PPP2R5E: variants seen among roughly 807,000 people sequenced by gnomAD.
The protein encoded by PPP2R5E is protein phosphatase 2 regulatory subunit B'epsilon, also known as serine/threonine-protein phosphatase 2A 56 kDa regulatory subunit epsilon isoform.
Under a neutral mutation model 65.3 loss-of-function variants are expected in PPP2R5E, and 4 were observed. The observed-to-expected ratio is 0.06, with a 90% CI of 0.03 to 0.14. The LOEUF is 0.14. Ranked by LOEUF, PPP2R5E falls within the 10% of genes least tolerant of loss-of-function variation. The probability of loss-of-function intolerance (pLI) is 1.00; values close to 1 mark genes in which losing one functional copy is unlikely to be tolerated. For synonymous variants in PPP2R5E, 183 were observed against 187.4 expected (o/e 0.98, Z 0.19); for missense variants, 274 against 556.1 (o/e 0.49, Z 5.10).
At chr14:63,482,929 A>G (rs1890787692) in intron 2 of PPP2R5E, among the ~76,000 whole-genome samples, 1 of 152,152 alleles carries the variant, frequency 6.6e-6, no homozygotes, top group African/African-American at 2.4e-5. Context: ...ACAATACCGC[A>G]GTGAACAAAA....
intron 5 of PPP2R5E, among the ~76,000 whole-genome samples, chr14:63,398,718 A>G (rs977717241): frequency 1.3e-5 from 2 of 152,160 alleles, no homozygotes; most frequent in African/African-American, 4.8e-5. Context: ...TGAACCTGGG[A>G]GGTGGAGTTT....
At chr14:63,394,494 G>T (rs1327226318) in intron 7 of PPP2R5E, among the ~76,000 whole-genome samples, 3 of 152,172 alleles carry the variant, frequency 2.0e-5, no homozygotes, top group African/African-American at 7.2e-5. Context: ...AAATTAGTCA[G>T]ATGGTTTCCA....
intron 2 of PPP2R5E, among the ~76,000 whole-genome samples, chr14:63,478,872 C>T (rs952839515): frequency 1.3e-5 from 2 of 152,158 alleles, no homozygotes; most frequent in Non-Finnish European, 2.9e-5. Flanking sequence ...CCTGTAATCC[C>T]AGCACTTTGG....
At chr14:63,506,993 G>A (rs1892215927) in intron 2 of PPP2R5E, among the ~76,000 whole-genome samples, 1 of 152,226 alleles carries the variant, frequency 6.6e-6, no homozygotes, top group Admixed American at 6.5e-5. Flanking sequence ...CGACAACATG[G>A]AGGAACCTTG....
At chr14:63,427,724 G>C (rs1318095250) in intron 3 of PPP2R5E, among the ~76,000 whole-genome samples, 1 of 152,218 alleles carries the variant, frequency 6.6e-6, no homozygotes, top group Non-Finnish European at 1.5e-5. Context: ...AGGAAAGGAT[G>C]TCAAAACCTG....
rs190278332 is a variant in PPP2R5E, at chr14:63,416,291, T to A, written c.457-1059A>T. ...GCAAGAGAACAAGACTCTGTTTCTCTAAAAAATACATATATAATCCAGAAC... is the reference window on the plus strand; with the variant it reads ...GCAAGAGAACAAGACTCTGTTTCTCAAAAAAATACATATATAATCCAGAAC... On this transcript the variant is annotated intron_variant, in intron 4 of 13. Coordinates refer to ENST00000337537, the MANE Select transcript of PPP2R5E (RefSeq NM_006246.5). Among the ~76,000 whole-genome samples, 444 of 152,322 alleles carry A rather than the reference T, an allele frequency of 2.9e-3. 1 individual carries two copies. Among genetic ancestry groups the A allele is most frequent in the African/African-American group, 0.01 (418 of 41,570 alleles).
chr14:63,392,028 G>A lies in PPP2R5E; in HGVS notation c.850-3C>T, dbSNP rs1426089284. 1 of 1,594,538 alleles carries A rather than the reference G, an allele frequency of 6.3e-7. No individual in the cohort carries two copies. On this transcript the variant is annotated splice_polypyrimidine_tract_variant and splice_region_variant and intron_variant, in intron 8 of 13. Coordinates refer to ENST00000337537, the MANE Select transcript of PPP2R5E (RefSeq NM_006246.5). ...AACTGTACTATACAATATGCCAGCT[G>A]AGTAAAAAATAAAATAAAAGGCAAA...
chr14:63,402,519 G>C lies in PPP2R5E; in HGVS notation c.550-5803C>G, dbSNP rs548971476. On this transcript the variant is annotated intron_variant, in intron 5 of 13. Coordinates refer to ENST00000337537, the MANE Select transcript of PPP2R5E (RefSeq NM_006246.5). ...AATGCTAGGAGTACCAAAAAAAATT[G>C]CAAGAAGGAAACTATTAACATCTTC... Among the ~76,000 whole-genome samples, 20 of 152,268 alleles carry C rather than the reference G, an allele frequency of 1.3e-4. No individual in the cohort carries two copies. In the South Asian group the frequency reaches 4.2e-3, roughly 32 times the overall value.
chr14:63,387,058 T>C (rs1193999805), intron 11 of PPP2R5E, among the ~76,000 whole-genome samples: 1 of 151,892 alleles, frequency 6.6e-6, no homozygotes, highest in Non-Finnish European at 1.5e-5. Context: ...GAGGACAATG[T>C]GTTTGGGAAT....
At chr14:63,387,131 GGAGT>G (rs1385251720) in intron 11 of PPP2R5E, among the ~76,000 whole-genome samples, 1 of 152,086 alleles carries the variant, frequency 6.6e-6, no homozygotes, top group African/African-American at 2.4e-5. Flanking sequence ...GAGAAAAAAA[GGAGT>G]AAGAATGAGG....
chr14:63,449,093 A>G (rs1169535752), intron 3 of PPP2R5E, among the ~76,000 whole-genome samples: 1 of 152,242 alleles, frequency 6.6e-6, no homozygotes, highest in Non-Finnish European at 1.5e-5. Context: ...ATCATTACTC[A>G]TCCTGGTTTG....
chr14:63,378,399 C>T (rs768615830), intron 13 of PPP2R5E, among the ~76,000 whole-genome samples: 1 of 152,192 alleles, frequency 6.6e-6, no homozygotes, highest in African/African-American at 2.4e-5. Flanking sequence ...CTCCCACAAG[C>T]TTAGCGTTCC....
At chr14:63,436,838 T>C (rs11846721) in intron 3 of PPP2R5E, among the ~76,000 whole-genome samples, 28,032 of 152,164 alleles carry the variant, frequency 0.18, 3,499 homozygotes, top group African/African-American at 0.35. Context: ...GATTATTTTA[T>C]TGCTGAAACA....
At chr14:63,527,325 T>C (rs758083885) in intron 2 of PPP2R5E, among the ~76,000 whole-genome samples, 3 of 152,260 alleles carry the variant, frequency 2.0e-5, no homozygotes, top group Non-Finnish European at 4.4e-5. Context: ...AATGCTGAGA[T>C]TGTTCCATAA....
intron 4 of PPP2R5E, among the ~76,000 whole-genome samples, chr14:63,420,385 C>A (rs1422207341): frequency 1.3e-5 from 2 of 151,924 alleles, no homozygotes; most frequent in African/African-American, 4.8e-5. Context: ...CTGGGATATA[C>A]CTATGAAAAG....
chr14:63,379,202 G>A (rs1467138287), intron 13 of PPP2R5E, among the ~76,000 whole-genome samples: 11 of 151,754 alleles, frequency 7.2e-5, no homozygotes, highest in Admixed American at 6.6e-4. Flanking sequence ...CTAATTTTTT[G>A]TAGTTTTAGT....
At chr14:63,480,745 C>T (rs1007507559) in intron 2 of PPP2R5E, among the ~76,000 whole-genome samples, 4 of 152,194 alleles carry the variant, frequency 2.6e-5, no homozygotes, top group Non-Finnish European at 5.9e-5. Flanking sequence ...TGTGCCTGGC[C>T]AGACTCCATT....
intron 3 of PPP2R5E, among the ~76,000 whole-genome samples, chr14:63,444,221 CAT>C (rs1888370177): frequency 6.6e-6 from 1 of 152,216 alleles, no homozygotes; most frequent in African/African-American, 2.4e-5. Context: ...CTGTATATAA[CAT>C]GTGGTTTGGG....
chr14:63,428,760 A>C (rs760754845), intron 3 of PPP2R5E, among the ~76,000 whole-genome samples: 1 of 152,226 alleles, frequency 6.6e-6, no homozygotes, highest in African/African-American at 2.4e-5. Context: ...TATTTTTATC[A>C]GTTTTTTATT....
Sources: gnomAD v4.1 joint callset for allele counts (sites outside exome capture counted in the v4.1 genomes callset) on GRCh38, gnomAD v4.1.1 for gene constraint, MANE v1.5 for transcripts, NCBI Gene and HGNC (gene_info 2026-07-23, HGNC 2026-07-21) for gene names.